METTL15: variants seen among roughly 807,000 people sequenced by gnomAD.
METTL15 encodes methyltransferase 15, mitochondrial 12S rRNA N4-cytidine, also known as 12S rRNA N(4)-cytidine methyltransferase METTL15.
Under a neutral mutation model 38.3 loss-of-function variants are expected in METTL15, and 34 were observed. The observed-to-expected ratio is 0.89, with a 90% CI of 0.68 to 1.18. The LOEUF (loss-of-function observed/expected upper bound fraction) is 1.18, where lower values mean the gene tolerates loss of function less well. Ranked by LOEUF, METTL15 falls within the 50% of genes most tolerant of loss-of-function variation. The probability of loss-of-function intolerance (pLI) is 0.00; values close to 1 mark genes in which losing one functional copy is unlikely to be tolerated. For missense variants in METTL15, 438 were observed against 498.4 expected (o/e 0.88, Z 1.15); for synonymous variants, 162 against 170.9 (o/e 0.95, Z 0.41).
intron 5 of METTL15, among the ~76,000 whole-genome samples, chr11:28,382,738 G>A (rs1208602644): frequency 6.6e-6 from 1 of 151,942 alleles, no homozygotes; most frequent in Non-Finnish European, 1.5e-5. Flanking sequence ...GGGAGGCTGA[G>A]GCAGGAGAAT....
At chr11:28,366,195 A>G (rs1349682750) in intron 5 of METTL15, among the ~76,000 whole-genome samples, 1 of 152,042 alleles carries the variant, frequency 6.6e-6, no homozygotes, top group East Asian at 1.9e-4. Context: ...CCTTTTGTAA[A>G]AAAAAAAAAA....
chr11:28,160,165 G>A (rs1053572366), intron 3 of METTL15, among the ~76,000 whole-genome samples: 7 of 151,948 alleles, frequency 4.6e-5, no homozygotes, highest in Admixed American at 6.6e-5. Context: ...TTCGGACTCC[G>A]TGTTCTTCAG....
At chr11:28,477,513 T>G (rs907802582) in intron 6 of METTL15, 2 of 152,196 alleles carry the variant, frequency 1.3e-5, no homozygotes, top group African/African-American at 4.8e-5. Flanking sequence ...ATAACTGTAT[T>G]GCCACAACGA....
At chr11:28,488,190 T>C (rs1851453529) in intron 6 of METTL15, among the ~76,000 whole-genome samples, 1 of 152,294 alleles carries the variant, frequency 6.6e-6, no homozygotes, top group Admixed American at 6.6e-5. Flanking sequence ...TATTTTGCAG[T>C]AACAAGACCA....
At chr11:28,276,552 A>G (rs1855850395) in intron 4 of METTL15, among the ~76,000 whole-genome samples, 1 of 152,158 alleles carries the variant, frequency 6.6e-6, no homozygotes, top group Non-Finnish European at 1.5e-5. Flanking sequence ...TCTGTATCAA[A>G]CACCAATGTC....
At chr11:28,239,483 T>C (rs1854190727) in intron 4 of METTL15, among the ~76,000 whole-genome samples, 1 of 152,232 alleles carries the variant, frequency 6.6e-6, no homozygotes, top group South Asian at 2.1e-4. Context: ...CATCATCTCC[T>C]AATTGGAGTT....
intron 4 of METTL15, among the ~76,000 whole-genome samples, chr11:28,251,664 G>C (rs957175294): frequency 1.3e-5 from 2 of 151,806 alleles, no homozygotes; most frequent in Non-Finnish European, 1.5e-5. Flanking sequence ...TGGTTCCTTG[G>C]CTTCCATAAC....
chr11:28,221,260 C>A (rs933069393), intron 4 of METTL15, among the ~76,000 whole-genome samples: 2 of 152,092 alleles, frequency 1.3e-5, no homozygotes, highest in Admixed American at 6.6e-5. Flanking sequence ...TTGTTCATTT[C>A]TTTTTATTCT....
At chr11:28,381,261 G>T (rs1199490997) in intron 5 of METTL15, among the ~76,000 whole-genome samples, 3 of 152,024 alleles carry the variant, frequency 2.0e-5, no homozygotes, top group Non-Finnish European at 4.4e-5. Flanking sequence ...AGCCTCCCAA[G>T]TTGCTGGGGT....
rs149201483 is a variant in METTL15, at chr11:28,175,865, C to G, written c.271-35197C>G. On this transcript the variant is annotated intron_variant, in intron 3 of 6. Transcript: ENST00000407364. ...CATGCACAAGACAAATTCGTGCCCT[C>G]AAGAATCTCATATATTGGTGTAAGA... Among the ~76,000 whole-genome samples, 1,479 of 151,936 alleles carry G rather than the reference C, an allele frequency of 9.7e-3. 4 individuals are homozygous for G. Among genetic ancestry groups the G allele is most frequent in the Non-Finnish European group, 0.016 (1,056 of 67,940 alleles).
intron 6 of METTL15, among the ~76,000 whole-genome samples, chr11:28,487,511 A>T (rs1851448328): frequency 6.6e-6 from 1 of 152,190 alleles, no homozygotes; most frequent in South Asian, 2.1e-4. Context: ...AAAGTTATGT[A>T]CTTAAGTTGT....
At chr11:28,509,032 C>G (rs1851653446) in intron 6 of METTL15, among the ~76,000 whole-genome samples, 3 of 152,164 alleles carry the variant, frequency 2.0e-5, no homozygotes, top group African/African-American at 7.2e-5. Context: ...TCCTGGGCCT[C>G]CTTTTTTTGA....
At chr11:28,242,702 A>C (rs1014714543) in intron 4 of METTL15, among the ~76,000 whole-genome samples, 7 of 152,270 alleles carry the variant, frequency 4.6e-5, no homozygotes, top group South Asian at 2.1e-4. Flanking sequence ...TTGAAGCATT[A>C]GGAAAGATGA....
At chr11:28,224,221 T>A (rs889188289) in intron 4 of METTL15, among the ~76,000 whole-genome samples, 3 of 151,772 alleles carry the variant, frequency 2.0e-5, no homozygotes, top group Admixed American at 2.0e-4. Context: ...CTGTTTGAAT[T>A]TTTTTTTGGA....
chr11:28,342,637 G>T (rs978820939), intron 3 of METTL15, among the ~76,000 whole-genome samples: 1 of 152,120 alleles, frequency 6.6e-6, no homozygotes, highest in Non-Finnish European at 1.5e-5. Flanking sequence ...ATCAGTTTGG[G>T]TTGGATTTCT....
intron 5 of METTL15, among the ~76,000 whole-genome samples, chr11:28,412,133 T>C (rs1164746915): frequency 6.6e-6 from 1 of 152,002 alleles, no homozygotes; most frequent in Non-Finnish European, 1.5e-5. Context: ...AACTGTAGTA[T>C]ATTGCTGTTA....
chr11:28,238,076 C>T (rs945352808), intron 4 of METTL15, among the ~76,000 whole-genome samples: 1 of 152,200 alleles, frequency 6.6e-6, no homozygotes, highest in African/African-American at 2.4e-5. Context: ...CTTGAGGAGG[C>T]AGTCTGCCCG....
At chr11:28,376,800 G>T (rs963888622) in intron 5 of METTL15, among the ~76,000 whole-genome samples, 4 of 149,584 alleles carry the variant, frequency 2.7e-5, no homozygotes, top group African/African-American at 9.8e-5. Context: ...GCTGGTACCG[G>T]TTGTTCCTTT....
At chr11:28,264,230 A>G (rs987239143) in intron 4 of METTL15, among the ~76,000 whole-genome samples, 5 of 152,104 alleles carry the variant, frequency 3.3e-5, no homozygotes, top group Non-Finnish European at 5.9e-5. Flanking sequence ...ACCATAGACT[A>G]TTTTGTATTT....
Sources: allele counts gnomAD v4.1 joint callset (sites outside exome capture counted in the v4.1 genomes callset), GRCh38; gene constraint gnomAD v4.1.1; transcripts MANE v1.5; gene names NCBI Gene and HGNC (gene_info 2026-07-23, HGNC 2026-07-21).